ADCY5: variants seen among roughly 807,000 people sequenced by gnomAD.
The protein encoded by ADCY5 is adenylate cyclase 5.
In ADCY5, 30 loss-of-function variants were observed where a neutral mutation model predicts 119.7. That is an observed-to-expected ratio of 0.25 (90% CI 0.19 to 0.34). The LOEUF (loss-of-function observed/expected upper bound fraction) is 0.34, where lower values mean the gene tolerates loss of function less well. Among genes scored for constraint, ADCY5 ranks in the 10% least tolerant of loss-of-function variants. The pLI, the probability that ADCY5 is intolerant of heterozygous loss-of-function variation, is 1.00. For synonymous variants in ADCY5, 753 were observed against 762.2 expected (o/e 0.99, Z 0.20); for missense variants, 1,324 against 1,775.2 (o/e 0.75, Z 4.57).
At position 123,447,799 on chromosome 3, in the gene ADCY5, C is replaced by T; in HGVS notation, c.747G>A (p.Leu249=). 1.2e-6 allele frequency: 2 copies of T among 1,612,196 alleles called. No homozygotes were observed. The highest frequency in any genetic ancestry group is 1.7e-6 in the Non-Finnish European group (2 of 1,179,214). Residue 249 remains leucine, a synonymous_variant, in exon 1 of 21, where the codon CTG becomes CTA. Coordinates refer to ENST00000462833, the MANE Select transcript of ADCY5 (RefSeq NM_183357.3). ...CCAACATGACCAGGCACACGAGCAC[C>T]AGCACGGCCATGAGCATGGTGAGGC... ...QSSLTMLMAV[L]VLVCLVMLAF...
intron 1 of ADCY5, among the ~76,000 whole-genome samples, chr3:123,413,403 C>A (rs1446453220): frequency 6.6e-6 from 1 of 152,182 alleles, no homozygotes; most frequent in Non-Finnish European, 1.5e-5. Flanking sequence ...GGCCTCTGAT[C>A]CCAGCCTGAG....
At chr3:123,396,834 G>GAGAGAGAC (rs1944608855) in intron 1 of ADCY5, among the ~76,000 whole-genome samples, 2 of 151,204 alleles carry the variant, frequency 1.3e-5, no homozygotes, top group African/African-American at 4.9e-5. Flanking sequence ...GAGAGAGAGA[G>GAGAGAGAC]AGAGAGAGAC....
intron 1 of ADCY5, among the ~76,000 whole-genome samples, chr3:123,440,113 A>G (rs1382024253): frequency 1.3e-5 from 2 of 152,034 alleles, no homozygotes; most frequent in African/African-American, 4.8e-5. Flanking sequence ...CACCCACCCC[A>G]CCACCCATTC....
At position 123,319,698 on chromosome 3, in the gene ADCY5, GA is replaced by G; in HGVS notation, c.2231del (p.Phe744SerfsTer6). The G allele has an allele frequency of 1.2e-6, 2 of 1,614,220 alleles. No homozygotes were observed. Among genetic ancestry groups the G allele is most frequent in the Non-Finnish European group, 1.7e-6 (2 of 1,180,032 alleles). On this transcript the variant is annotated frameshift_variant, in exon 10 of 21. Transcript: ENST00000462833. LOFTEE classifies it high-confidence loss of function. ...SEHVRKFLLT[F>X]REPDLEKKYS... Reference sequence around the variant, plus strand: ...CCTTCTTCTCTAAGTCAGGCTCCCTGAAGGTCAGGAGGAACTTGCGGACGTG... The same window carrying G: ...CCTTCTTCTCTAAGTCAGGCTCCCTGAGGTCAGGAGGAACTTGCGGACGTG...
intron 5 of ADCY5, among the ~76,000 whole-genome samples, chr3:123,329,628 C>T (rs950134732): frequency 1.3e-5 from 2 of 152,114 alleles, no homozygotes; most frequent in African/African-American, 4.8e-5. Flanking sequence ...CTTTCTAGGG[C>T]CCTAGACCCT....
At chr3:123,292,265 C>A (rs1422406767) in intron 17 of ADCY5, among the ~76,000 whole-genome samples, 1 of 152,246 alleles carries the variant, frequency 6.6e-6, no homozygotes, top group Non-Finnish European at 1.5e-5. Context: ...AGGACTGACT[C>A]TCAGGGCCCT....
chr3:123,360,329 T>C (rs1393709654), intron 1 of ADCY5, among the ~76,000 whole-genome samples: 2 of 152,048 alleles, frequency 1.3e-5, no homozygotes, highest in African/African-American at 4.8e-5. Flanking sequence ...CTTTCTCCTC[T>C]CCTTTCCAGC....
rs1007077783 is a variant in ADCY5 at position 123,330,788 on chromosome 3, C to T, written c.1646+101G>A. The T allele has an allele frequency of 3.5e-6, 5 of 1,445,516 alleles. No individual in the cohort carries two copies. The African/African-American group carries it at 7.1e-5, about 21-fold the overall frequency. The allele number at this position is 1,445,516 out of a possible 1,614,324, so 89.5% of individuals were successfully genotyped here. A position where few individuals can be genotyped will look rare whatever the true frequency, so the allele number is the denominator to read the frequency against. On this transcript the variant is annotated intron_variant, in intron 5 of 20. Transcript: ENST00000462833. The stretch of plus-strand genomic sequence containing the variant: ...CCTTTTGGCAGACAGTTTCACCCCA[C>T]TGTTTCCCTGCCTCCAACTAGGCAG...
chr3:123,444,195 G>C (rs780358725), intron 1 of ADCY5, among the ~76,000 whole-genome samples: 1 of 152,174 alleles, frequency 6.6e-6, no homozygotes, highest in South Asian at 2.1e-4. Context: ...TATGGTATGG[G>C]TGTAGCAGAG....
intron 19 of ADCY5, among the ~76,000 whole-genome samples, chr3:123,289,190 T>C (rs1938976995): frequency 6.6e-6 from 1 of 152,248 alleles, no homozygotes; most frequent in Non-Finnish European, 1.5e-5. Flanking sequence ...ACATGTTTGA[T>C]GTTGTTCTAC....
chr3:123,409,974 G>C (rs1274097373), intron 1 of ADCY5, among the ~76,000 whole-genome samples: 1 of 152,218 alleles, frequency 6.6e-6, no homozygotes, highest in South Asian at 2.1e-4. Flanking sequence ...GGCAGGGAAA[G>C]AGCAGTAATA....
At chr3:123,315,732 T>C (rs1285181350) in intron 11 of ADCY5, among the ~76,000 whole-genome samples, 1 of 152,136 alleles carries the variant, frequency 6.6e-6, no homozygotes, top group Non-Finnish European at 1.5e-5. Context: ...TGCACCACCA[T>C]ACCTAGCTGA....
In ADCY5 at chr3:123,285,555, T is replaced by C. The variant is rs73856886; in HGVS notation, c.3658-819A>G. On this transcript the variant is annotated intron_variant, in intron 20 of 20. Coordinates refer to ENST00000462833, the MANE Select transcript of ADCY5 (RefSeq NM_183357.3). ...GCCACACTGCAAGCCCACCAGTGAG[T>C]GCAAGTGCCAGGCAGCAGGCGGTAG... Among the ~76,000 whole-genome samples, 895 of 152,218 alleles carry C rather than the reference T, an allele frequency of 5.9e-3. 8 individuals are homozygous for C. Among genetic ancestry groups the C allele is most frequent in the African/African-American group, 0.02 (826 of 41,540 alleles).
chr3:123,349,422 T>C (rs551803225), intron 2 of ADCY5, among the ~76,000 whole-genome samples: 2 of 152,206 alleles, frequency 1.3e-5, no homozygotes, highest in Non-Finnish European at 2.9e-5. Context: ...CTTCCTCCAC[T>C]GCCCACATGC....
At chr3:123,386,509 T>C (rs58693865) in intron 1 of ADCY5, among the ~76,000 whole-genome samples, 72,625 of 152,046 alleles carry the variant, frequency 0.48, 18,149 homozygotes, top group East Asian at 0.69. Flanking sequence ...TTGCTCAGCA[T>C]AGTCTCGTTA....
intron 1 of ADCY5, among the ~76,000 whole-genome samples, chr3:123,444,312 T>G (rs370596747): frequency 1.2e-4 from 18 of 152,068 alleles, no homozygotes; most frequent in East Asian, 3.9e-4. Context: ...CAGCAGAGGC[T>G]GAGAGGCCTC....
intron 1 of ADCY5, among the ~76,000 whole-genome samples, chr3:123,396,779 AAGGCAGGCAGGC>A (rs1195206250): frequency 2.1e-4 from 15 of 69,980 alleles, no homozygotes; most frequent in East Asian, 1.1e-3. Flanking sequence ...GGAAGGAAGG[AAGGCAGGCAGGC>A]AGGCAGGCAG....
chr3:123,289,665 G>T, intron 19 of ADCY5, 85 bp downstream of exon 19: 1 of 1,485,346 alleles, frequency 6.7e-7, no homozygotes, highest in Non-Finnish European at 9.3e-7. Context: ...CACAATGGCG[G>T]ATGCGGTATG....
intron 1 of ADCY5, among the ~76,000 whole-genome samples, chr3:123,373,335 C>T (rs898384055): frequency 3.9e-5 from 6 of 152,218 alleles, no homozygotes. Flanking sequence ...ATTTAGAAGT[C>T]CTCTGTCGCT....
Sources: gnomAD v4.1 joint callset for allele counts (sites outside exome capture counted in the v4.1 genomes callset) on GRCh38, gnomAD v4.1.1 for gene constraint, MANE v1.5 for transcripts, NCBI Gene and HGNC (gene_info 2026-07-23, HGNC 2026-07-21) for gene names.